MXI1: variants seen among roughly 807,000 people sequenced by gnomAD.
MXI1 encodes the protein max-interacting protein 1.
Under a neutral mutation model 36.9 loss-of-function variants are expected in MXI1, and 18 were observed. The ratio of observed to expected loss-of-function variants is 0.49; its 90% confidence interval spans 0.34 to 0.72. MXI1 has a LOEUF of 0.72. MXI1 is among the 30% of genes least tolerant of loss of function. The probability of loss-of-function intolerance (pLI) is 0.01; values close to 1 mark genes in which losing one functional copy is unlikely to be tolerated. For missense variants in MXI1, 304 were observed against 379.1 expected (o/e 0.80, Z 1.64); for synonymous variants, 160 against 146.7 (o/e 1.09, Z -0.65).
In MXI1 at chr10:110,286,315, A is replaced by G. The variant is rs2134488915; in HGVS notation, c.*1328A>G. 1 of 152,484 alleles carries G rather than the reference A, an allele frequency of 6.6e-6. No homozygotes were observed. The highest frequency in any genetic ancestry group is 3.4e-3 in the Middle Eastern group (1 of 294). 9.4% of individuals were successfully genotyped at this position (152,484 alleles called of 1,614,324 possible). A position where few individuals can be genotyped will look rare whatever the true frequency, so the allele number is the denominator to read the frequency against. ...TCTTACGAATATTTTCAGTAATGTT[A>G]TTTTCTTCTAAGTGAAATTTCTAGC... On this transcript the variant is annotated 3_prime_UTR_variant, in exon 6 of 6. Transcript: ENST00000332674.
intron 1 of MXI1, chr10:110,208,740 G>GCCCCCCC (rs34161324): frequency 1.0e-5 from 1 of 95,770 alleles, no homozygotes; most frequent in African/African-American, 5.0e-5. Flanking sequence ...TGCCACCGCC[G>GCCCCCCC]CCCCCCCCCC....
intron 5 of MXI1, among the ~76,000 whole-genome samples, chr10:110,280,741 T>C (rs1857218011): frequency 6.6e-6 from 1 of 152,098 alleles, no homozygotes; most frequent in African/African-American, 2.4e-5. Flanking sequence ...GTCAGGAAGA[T>C]ACACGATGTC....
intron 3 of MXI1, among the ~76,000 whole-genome samples, chr10:110,262,170 A>G (rs1268979897): frequency 1.4e-4 from 22 of 152,038 alleles, no homozygotes; most frequent in Admixed American, 1.4e-3. Flanking sequence ...ATTTGGGGGG[A>G]AAATTGCATC....
intron 5 of MXI1, among the ~76,000 whole-genome samples, chr10:110,281,673 G>A (rs1003304379): frequency 1.3e-5 from 2 of 152,092 alleles, no homozygotes; most frequent in African/African-American, 2.4e-5. Flanking sequence ...AAGAGACTGA[G>A]TCATTTTTCT....
intron 2 of MXI1, among the ~76,000 whole-genome samples, chr10:110,237,970 T>C (rs1228466619): frequency 1.3e-5 from 2 of 152,136 alleles, no homozygotes; most frequent in Non-Finnish European, 2.9e-5. Context: ...AGTTTTATTA[T>C]AAATGATACA....
chr10:110,257,236 T>G (rs898474344), intron 3 of MXI1: 1 of 151,950 alleles, frequency 6.6e-6, no homozygotes, highest in Non-Finnish European at 1.5e-5. Flanking sequence ...AATGTTACCA[T>G]GGCAAAATTG....
intron 3 of MXI1, among the ~76,000 whole-genome samples, chr10:110,248,753 ACT>A (rs1855962475): frequency 6.6e-6 from 1 of 151,482 alleles, no homozygotes; most frequent in Non-Finnish European, 1.5e-5. Flanking sequence ...CTCTCTCTTT[ACT>A]CTTTTTCCTC....
At chr10:110,245,772 A>T (rs904170412) in intron 3 of MXI1, 2 of 152,194 alleles carry the variant, frequency 1.3e-5, no homozygotes, top group Non-Finnish European at 2.9e-5. Context: ...GGGAGAAGGG[A>T]TACCAGAGGC....
chr10:110,231,173 C>T (rs1265559065), intron 2 of MXI1, among the ~76,000 whole-genome samples: 1 of 152,100 alleles, frequency 6.6e-6, no homozygotes, highest in Non-Finnish European at 1.5e-5. Context: ...TCGAGACCAG[C>T]CTGGCCAACA....
At chr10:110,214,402 C>T (rs1854578179) in intron 1 of MXI1, among the ~76,000 whole-genome samples, 1 of 151,966 alleles carries the variant, frequency 6.6e-6, no homozygotes, top group Non-Finnish European at 1.5e-5. Context: ...TTTAGGGCTC[C>T]TAGGAAACAC....
intron 4 of MXI1, 56 bp downstream of exon 4, chr10:110,279,350 G>A (rs1235206632): frequency 1.3e-5 from 18 of 1,408,108 alleles, no homozygotes; most frequent in East Asian, 2.3e-5. Flanking sequence ...TTTAATTATT[G>A]GCACTGATTC....
chr10:110,243,628 C>T (rs182820661), intron 2 of MXI1, among the ~76,000 whole-genome samples: 6 of 152,206 alleles, frequency 3.9e-5, no homozygotes, highest in African/African-American at 1.4e-4. Context: ...AATTCTCCTT[C>T]ATAAAATTCC....
chr10:110,225,687 T>A (rs1347677032), intron 1 of MXI1, among the ~76,000 whole-genome samples: 1 of 152,136 alleles, frequency 6.6e-6, no homozygotes, highest in Non-Finnish European at 1.5e-5. Flanking sequence ...GACTCCCAGC[T>A]CGCTCAAATC....
intron 2 of MXI1, 70 bp downstream of exon 2, chr10:110,228,391 C>G (rs533857278): frequency 2.5e-6 from 4 of 1,586,880 alleles, no homozygotes; most frequent in Non-Finnish European, 3.4e-6. Flanking sequence ...AATCCCAAGT[C>G]TGAAGGAGCA....
Position 110,227,390 on chromosome 10 carries a change from C to T in MXI1, c.275-799C>T, listed in dbSNP as rs562958446. ...GCGTGTGTGAGAGGTCGCGCAGGTGCTGGGGGAGGTGCGAGGGTGCGCACG... is the reference window on the plus strand; with the variant it reads ...GCGTGTGTGAGAGGTCGCGCAGGTGTTGGGGGAGGTGCGAGGGTGCGCACG... On this transcript the variant is annotated intron_variant, in intron 1 of 5. Transcript: ENST00000332674. 2.6e-5 allele frequency: 26 copies of T among 982,638 alleles called. 1 individual carries two copies. In the East Asian group the frequency reaches 2.7e-3, roughly 102 times the overall value. 60.9% of individuals were successfully genotyped at this position (982,638 alleles called of 1,614,324 possible).
chr10:110,287,056 T>C lies in MXI1; in HGVS notation c.*2069T>C, dbSNP rs941350700. 6 of 152,240 alleles carry C rather than the reference T, an allele frequency of 3.9e-5. No individual in the cohort carries two copies. Among genetic ancestry groups the C allele is most frequent in the Non-Finnish European group, 7.4e-5 (5 of 68,024 alleles). The allele number at this position is 152,240 out of a possible 1,614,324, so 9.4% of individuals were successfully genotyped here. A position where few individuals can be genotyped will look rare whatever the true frequency, so the allele number is the denominator to read the frequency against. ...TTGAAGACTGTGCTACCATACAAAG[T>C]GAATGAAGCCAGTGACTAAGCTTCT... On this transcript the variant is annotated 3_prime_UTR_variant, in exon 6 of 6. Coordinates refer to ENST00000332674, the MANE Select transcript of MXI1 (RefSeq NM_130439.3).
chr10:110,228,042 A>G (rs769191684), intron 1 of MXI1, 147 bp from the exon 2 acceptor site: 23 of 847,110 alleles, frequency 2.7e-5, no homozygotes, highest in Non-Finnish European at 4.2e-5. Context: ...GGCGAGGGAC[A>G]TTAATTTTCT....
chr10:110,283,402 T>C (rs1316703492), intron 5 of MXI1, among the ~76,000 whole-genome samples: 3 of 152,126 alleles, frequency 2.0e-5, no homozygotes, highest in Non-Finnish European at 2.9e-5. Flanking sequence ...TAGCTGGGAC[T>C]ATAGGCGCGT....
intron 3 of MXI1, chr10:110,257,558 G>T (rs147343749): frequency 6.5e-6 from 1 of 153,318 alleles, no homozygotes; most frequent in Non-Finnish European, 1.4e-5. Context: ...TGATCCACCC[G>T]CTTTGGCCTC....
Sources: gnomAD v4.1 joint callset for allele counts (sites outside exome capture counted in the v4.1 genomes callset) on GRCh38, gnomAD v4.1.1 for gene constraint, MANE v1.5 for transcripts, NCBI Gene and HGNC (gene_info 2026-07-23, HGNC 2026-07-21) for gene names.